Variants in MPPED2 observed in about 807,000 individuals in gnomAD.
The protein encoded by MPPED2 is metallophosphoesterase MPPED2.
In MPPED2, 5 loss-of-function variants were observed where a neutral mutation model predicts 33.0. The observed-to-expected ratio is 0.15, with a 90% CI of 0.08 to 0.32. MPPED2 has a LOEUF of 0.32. MPPED2 is among the 10% of genes least tolerant of loss of function. The probability of loss-of-function intolerance (pLI) is 1.00; values close to 1 mark genes in which losing one functional copy is unlikely to be tolerated. For missense variants in MPPED2, 275 were observed against 372.1 expected, an observed-to-expected ratio of 0.74 and a Z score of 2.15; for synonymous variants, 136 against 141.9, an observed-to-expected ratio of 0.96 and a Z score of 0.29.
intron 4 of MPPED2, among the ~76,000 whole-genome samples, chr11:30,417,920 C>T (rs1425063381): frequency 6.6e-6 from 1 of 152,160 alleles, no homozygotes; most frequent in Non-Finnish European, 1.5e-5. Context: ...TTGTCTTCCC[C>T]TAAATCTCAG....
downstream of MPPED2, among the ~76,000 whole-genome samples, chr11:30,409,837 G>A (rs1326819797): frequency 6.6e-6 from 1 of 152,112 alleles, no homozygotes; most frequent in Non-Finnish European, 1.5e-5. Flanking sequence ...AGGAGGAGAT[G>A]GTGACTGCTC....
rs372185581 is a variant in MPPED2, at chr11:30,495,287, A to G, written c.536+9T>C. On this transcript the variant is annotated intron_variant, in intron 4 of 6. Transcript: ENST00000358117. ...AGCAATGTGGAAAACTGTTTGAATC[A>G]TCACTTACCAAGGTGCACCGTATAT... 5 of 1,593,806 alleles carry G rather than the reference A, an allele frequency of 3.1e-6. No homozygotes were observed. The highest frequency in any genetic ancestry group is 4.3e-6 in the Non-Finnish European group (5 of 1,161,702).
At chr11:30,476,213 C>T (rs1057465069) in intron 4 of MPPED2, among the ~76,000 whole-genome samples, 2 of 151,780 alleles carry the variant, frequency 1.3e-5, no homozygotes, top group East Asian at 3.9e-4. Context: ...AGACTATGGA[C>T]CACATTTTGA....
At chr11:30,534,249 G>A (rs754032459) in intron 3 of MPPED2, among the ~76,000 whole-genome samples, 27 of 152,106 alleles carry the variant, frequency 1.8e-4, no homozygotes, top group South Asian at 4.1e-4. Flanking sequence ...AACGCAGCTC[G>A]ATAATTTCTG....
intron 3 of MPPED2, among the ~76,000 whole-genome samples, chr11:30,528,278 C>T (rs771455228): frequency 4.9e-4 from 74 of 151,768 alleles, no homozygotes; most frequent in African/African-American, 1.5e-3. Context: ...TTTTTTCAGA[C>T]GGAGTCTCGC....
At chr11:30,485,784 C>T (rs1951719769) in intron 4 of MPPED2, among the ~76,000 whole-genome samples, 1 of 152,188 alleles carries the variant, frequency 6.6e-6, no homozygotes, top group South Asian at 2.1e-4. Context: ...GGTGGCTCTA[C>T]AAGCCCGACC....
intron 3 of MPPED2, among the ~76,000 whole-genome samples, chr11:30,499,537 C>T (rs778878098): frequency 3.9e-5 from 6 of 152,142 alleles, no homozygotes; most frequent in African/African-American, 9.7e-5. Context: ...CTCCCATAAG[C>T]ACCTTCCTTT....
At chr11:30,504,343 C>A (rs1952715392) in intron 3 of MPPED2, among the ~76,000 whole-genome samples, 1 of 152,108 alleles carries the variant, frequency 6.6e-6, no homozygotes, top group Admixed American at 6.6e-5. Flanking sequence ...AAAAGTAATA[C>A]CAACTGCTAG....
intron 4 of MPPED2, among the ~76,000 whole-genome samples, chr11:30,438,510 T>C (rs967776136): frequency 6.6e-6 from 1 of 152,200 alleles, no homozygotes; most frequent in African/African-American, 2.4e-5. Context: ...GACAAGATAA[T>C]GGGGTGAGAC....
intron 2 of MPPED2, among the ~76,000 whole-genome samples, chr11:30,542,962 G>C (rs986216802): frequency 6.6e-6 from 1 of 152,114 alleles, no homozygotes; most frequent in Admixed American, 6.5e-5. Flanking sequence ...AATATCTAGA[G>C]AGACAGTCCA....
At chr11:30,511,401 G>A (rs879354235) in intron 3 of MPPED2, among the ~76,000 whole-genome samples, 15 of 152,174 alleles carry the variant, frequency 9.9e-5, no homozygotes, top group Non-Finnish European at 1.9e-4. Flanking sequence ...GATTATAACT[G>A]CAAGGAAGAG....
At chr11:30,388,420 T>TG (rs1288837867) in exon 7 of MPPED2, 3 of 153,132 alleles carry the variant, frequency 2.0e-5, no homozygotes, top group Non-Finnish European at 4.4e-5. Context: ...CATTCTGTGC[T>TG]GGGAAGGCCT....
At chr11:30,479,389 A>G (rs1228780366) in intron 4 of MPPED2, among the ~76,000 whole-genome samples, 1 of 152,172 alleles carries the variant, frequency 6.6e-6, no homozygotes, top group Non-Finnish European at 1.5e-5. Flanking sequence ...TTCATATCAA[A>G]TATACAGTAA....
chr11:30,526,620 A>C (rs762620090), intron 3 of MPPED2, among the ~76,000 whole-genome samples: 2 of 151,950 alleles, frequency 1.3e-5, no homozygotes, highest in African/African-American at 2.4e-5. Flanking sequence ...GCCCTTCCTA[A>C]AGCCTTCTAC....
At chr11:30,491,714 C>G (rs1351081530) in intron 4 of MPPED2, among the ~76,000 whole-genome samples, 2 of 152,184 alleles carry the variant, frequency 1.3e-5, no homozygotes, top group African/African-American at 4.8e-5. Flanking sequence ...ATACTCTCCT[C>G]CCTAGCACAG....
At chr11:30,452,149 A>T (rs1016390321) in intron 4 of MPPED2, 4 of 935,740 alleles carry the variant, frequency 4.3e-6, no homozygotes, top group Admixed American at 6.2e-5. Context: ...AGGGCTTCTC[A>T]CTGCCTAAGA....
At chr11:30,530,494 G>C (rs1216285736) in intron 3 of MPPED2, among the ~76,000 whole-genome samples, 4 of 152,208 alleles carry the variant, frequency 2.6e-5, no homozygotes, top group Non-Finnish European at 4.4e-5. Flanking sequence ...ACAGACTGGT[G>C]ACTGATGTGT....
At chr11:30,401,684 T>G (rs12285014) in intron 6 of MPPED2, among the ~76,000 whole-genome samples, 15,573 of 152,134 alleles carry the variant, frequency 0.1, 816 homozygotes, top group Middle Eastern at 0.17. Context: ...CATAAGATTT[T>G]TTTGTTTGTT....
chr11:30,531,990 C>T lies in MPPED2; in HGVS notation c.310+4004G>A, dbSNP rs75743274. 5.3e-3 allele frequency among the ~76,000 whole-genome samples: 806 copies of T among 152,314 alleles called. 3 individuals carry two copies. The highest frequency in any genetic ancestry group is 0.018 in the African/African-American group (731 of 41,568). On this transcript the variant is annotated intron_variant, in intron 3 of 6. Coordinates refer to ENST00000358117, the MANE Select transcript of MPPED2 (RefSeq NM_001584.3). The stretch of plus-strand genomic sequence containing the variant: ...CACTTGGAAATTGGAGTCTGATGGA[C>T]GTAAGTCCAAATCCTGAGGTCACTG...
Sources: allele counts gnomAD v4.1 joint callset (sites outside exome capture counted in the v4.1 genomes callset), GRCh38; gene constraint gnomAD v4.1.1; transcripts MANE v1.5; gene names NCBI Gene and HGNC (gene_info 2026-07-23, HGNC 2026-07-21).